ATG7: variants seen among roughly 807,000 people sequenced by gnomAD.
ATG7 encodes the protein autophagy related 7.
A neutral mutation model predicts 82.4 loss-of-function variants in ATG7; 70 were observed. The observed-to-expected ratio is 0.85, with a 90% confidence interval of 0.70 to 1.04. The LOEUF (loss-of-function observed/expected upper bound fraction) is 1.04. Among genes scored for constraint, ATG7 ranks in the 50% least tolerant of loss-of-function variants. ATG7 has a pLI of 0.00. For synonymous variants in ATG7, 287 were observed against 313.0 expected (o/e 0.92, Z 0.88); for missense variants, 792 against 864.3 (o/e 0.92, Z 1.05).
chr3:11,393,362 T>G (rs985924290), intron 19 of ATG7, among the ~76,000 whole-genome samples: 6 of 151,808 alleles, frequency 4.0e-5, no homozygotes, highest in African/African-American at 1.5e-4. Flanking sequence ...CACTCCTGAT[T>G]AGGGTACCTC....
intron 3 of ATG7, among the ~76,000 whole-genome samples, chr3:11,286,849 C>T (rs1944155340): frequency 6.6e-6 from 1 of 151,958 alleles, no homozygotes; most frequent in African/African-American, 2.4e-5. Flanking sequence ...AAGCTATCCT[C>T]CCGCCTCAGA....
intron 11 of ATG7, 56 bp from the exon 12 acceptor site, chr3:11,340,589 C>A: frequency 1.3e-6 from 2 of 1,485,174 alleles, no homozygotes; most frequent in South Asian, 2.3e-5. Context: ...GTTGCTTGAT[C>A]TGCTTGTTTT....
intron 20 of ATG7, among the ~76,000 whole-genome samples, chr3:11,482,179 A>C (rs1475780943): frequency 6.6e-6 from 1 of 152,184 alleles, no homozygotes; most frequent in Non-Finnish European, 1.5e-5. Flanking sequence ...TCATGAGAGA[A>C]GTATATTGAT....
chr3:11,322,434 C>T (rs997815354), intron 9 of ATG7, among the ~76,000 whole-genome samples: 2 of 152,172 alleles, frequency 1.3e-5, no homozygotes, highest in African/African-American at 4.8e-5. Context: ...ATTAGTTTTA[C>T]TTCCAGCTAT....
chr3:11,311,117 G>A (rs888040819), intron 7 of ATG7, among the ~76,000 whole-genome samples: 1 of 152,146 alleles, frequency 6.6e-6, no homozygotes, highest in African/African-American at 2.4e-5. Context: ...CAGTATGTGT[G>A]TTGGTCTTGC....
intron 3 of ATG7, among the ~76,000 whole-genome samples, chr3:11,291,215 T>C (rs1418149752): frequency 6.6e-6 from 1 of 152,228 alleles, no homozygotes; most frequent in African/African-American, 2.4e-5. Context: ...ACACAGAGGA[T>C]TTTAGATGAA....
intron 19 of ATG7, among the ~76,000 whole-genome samples, chr3:11,400,579 CTGAT>C (rs1559543200): frequency 6.6e-6 from 1 of 151,914 alleles, no homozygotes. Context: ...GTGCAAGTAC[CTGAT>C]TTTTAAGTGT....
At chr3:11,489,480 T>C (rs2090129828) in intron 20 of ATG7, among the ~76,000 whole-genome samples, 1 of 70,020 alleles carries the variant, frequency 1.4e-5, no homozygotes, top group Admixed American at 1.6e-4. Flanking sequence ...CTCTATTTCC[T>C]TCAGTTCTGC....
chr3:11,417,893 C>G (rs2081538207), intron 19 of ATG7, among the ~76,000 whole-genome samples: 1 of 149,410 alleles, frequency 6.7e-6, no homozygotes, highest in Admixed American at 6.8e-5. Flanking sequence ...TCACTGAAAG[C>G]TCTGCCTTCT....
intron 20 of ATG7, among the ~76,000 whole-genome samples, chr3:11,441,500 C>A (rs112743560): frequency 6.6e-6 from 1 of 151,928 alleles, no homozygotes; most frequent in African/African-American, 2.4e-5. Flanking sequence ...CCTCGGCCTC[C>A]GAAAGTGCTG....
chr3:11,325,254 G>A (rs1345476844), intron 9 of ATG7, among the ~76,000 whole-genome samples: 1 of 152,190 alleles, frequency 6.6e-6, no homozygotes, highest in Non-Finnish European at 1.5e-5. Context: ...TGTCATGGTG[G>A]TGGATTGGAC....
intron 20 of ATG7, among the ~76,000 whole-genome samples, chr3:11,532,314 CGG>C (rs1285273861): frequency 6.6e-6 from 1 of 152,104 alleles, no homozygotes; most frequent in Non-Finnish European, 1.5e-5. Context: ...AGGGACAAAC[CGG>C]AAGTGTTGTG....
At chr3:11,511,423 T>C (rs976946813) in intron 20 of ATG7, among the ~76,000 whole-genome samples, 5 of 152,316 alleles carry the variant, frequency 3.3e-5, no homozygotes, top group Admixed American at 1.3e-4. Context: ...GACTGGTGCA[T>C]TCACAAACCT....
chr3:11,415,758 CTTTT>C (rs58976243), intron 19 of ATG7, among the ~76,000 whole-genome samples: 2 of 146,600 alleles, frequency 1.4e-5, no homozygotes, highest in African/African-American at 5.0e-5. Context: ...ATGCAGTTAA[CTTTT>C]TTTTTTTTTT....
chr3:11,332,337 G>T (rs953063039), intron 10 of ATG7, among the ~76,000 whole-genome samples: 8 of 152,176 alleles, frequency 5.3e-5, no homozygotes, highest in African/African-American at 1.9e-4. Flanking sequence ...CAAAACCAAT[G>T]TATGGACTTA....
chr3:11,398,020 G>T (rs2079468674), intron 19 of ATG7, among the ~76,000 whole-genome samples: 1 of 151,068 alleles, frequency 6.6e-6, no homozygotes, highest in South Asian at 2.1e-4. Flanking sequence ...GGAGGTGGTG[G>T]TTGAAGTGAG....
downstream of ATG7, among the ~76,000 whole-genome samples, chr3:11,559,619 C>T (rs2072781659): frequency 6.6e-6 from 1 of 152,248 alleles, no homozygotes; most frequent in Non-Finnish European, 1.5e-5. Flanking sequence ...CACAGCCAAT[C>T]CACAGAGTGA....
At chr3:11,394,523 A>G (rs1231206395) in intron 19 of ATG7, among the ~76,000 whole-genome samples, 1 of 152,222 alleles carries the variant, frequency 6.6e-6, no homozygotes, top group Non-Finnish European at 1.5e-5. Context: ...AAGGAAGTTG[A>G]GAGCGTGAGC....
chr3:11,452,741 T>C (rs1251839776), intron 20 of ATG7, among the ~76,000 whole-genome samples: 2 of 152,182 alleles, frequency 1.3e-5, no homozygotes, highest in African/African-American at 4.8e-5. Flanking sequence ...ATTGGGGAAC[T>C]GAGGGTTAGA....
Sources: allele counts gnomAD v4.1 joint callset (sites outside exome capture counted in the v4.1 genomes callset), GRCh38; gene constraint gnomAD v4.1.1; transcripts MANE v1.5; gene names NCBI Gene and HGNC (gene_info 2026-07-23, HGNC 2026-07-21).